GUCY1B1: variants seen among roughly 807,000 people sequenced by gnomAD.
GUCY1B1 encodes guanylate cyclase soluble subunit beta-1.
GUCY1B1 carries 43 observed loss-of-function variants against 71.0 expected under a neutral mutation model. The ratio of observed to expected loss-of-function variants is 0.61; its 90% CI spans 0.47 to 0.78. The LOEUF is 0.78. GUCY1B1 is among the 30% of genes least tolerant of loss of function. The pLI is 0.00. For missense variants in GUCY1B1, 535 were observed against 754.1 expected (o/e 0.71, Z 3.40); for synonymous variants, 266 against 259.7 (o/e 1.02, Z -0.23).
chr4:155,796,311 C>T, intron 7 of GUCY1B1, 66 bp from the exon 8 acceptor site: 1 of 1,431,358 alleles, frequency 7.0e-7, no homozygotes, highest in Non-Finnish European at 9.7e-7. Context: ...ATATGCGTGT[C>T]CTTGTTGCTG....
At chr4:155,803,108 G>A (rs1740074467) in intron 10 of GUCY1B1, among the ~76,000 whole-genome samples, 1 of 152,106 alleles carries the variant, frequency 6.6e-6, no homozygotes, top group Non-Finnish European at 1.5e-5. Context: ...GCTACATAAA[G>A]GCAAGAATGT....
rs1264977259 is a variant in GUCY1B1 at position 155,772,726 on chromosome 4, G to C, written c.78-2242G>C. On this transcript the variant is annotated intron_variant, in intron 2 of 13. Coordinates refer to ENST00000264424, the MANE Select transcript of GUCY1B1 (RefSeq NM_000857.5). ...TGAGCCAACCTGCCCAGCCAGAAAA[G>C]AGAGATTTTAATGCTTATGTGCTTT... is the stretch of plus-strand genomic sequence containing the variant. The C allele has an allele frequency of 1.5e-4, 106 of 702,472 alleles. No individual in the cohort carries two copies. In the East Asian group the frequency reaches 2.8e-3, roughly 19 times the overall value. 43.5% of individuals were successfully genotyped at this position (702,472 alleles called of 1,614,324 possible). A position where few individuals can be genotyped will look rare whatever the true frequency, so the allele number is the denominator to read the frequency against.
chr4:155,797,908 A>C (rs1011730664), intron 8 of GUCY1B1, among the ~76,000 whole-genome samples: 18 of 151,986 alleles, frequency 1.2e-4, no homozygotes, highest in African/African-American at 4.1e-4. Context: ...CAAAACTAAG[A>C]AACATAAACG....
rs1027506537 is a variant in GUCY1B1, at chr4:155,806,823, A to C, written c.*414A>C. 2 of 161,348 alleles carry C rather than the reference A, an allele frequency of 1.2e-5. No individual in the cohort carries two copies. The highest frequency in any genetic ancestry group is 4.8e-5 in the African/African-American group (2 of 41,776). 10.0% of individuals were successfully genotyped at this position (161,348 alleles called of 1,614,324 possible). On this transcript the variant is annotated 3_prime_UTR_variant, in exon 14 of 14. Transcript: ENST00000264424. The stretch of plus-strand genomic sequence containing the variant: ...TGTTTAGTGTTCCACATATATGTAT[A>C]TGTATATTTTAATGACTATAATGTA...
chr4:155,777,448 A>G (rs1738132348), intron 3 of GUCY1B1, 76 bp from the exon 4 acceptor site: 9 of 815,676 alleles, frequency 1.1e-5, no homozygotes, highest in Non-Finnish European at 1.9e-5. Flanking sequence ...CTTAATAAAC[A>G]CTTATCTTCA....
intron 2 of GUCY1B1, among the ~76,000 whole-genome samples, chr4:155,760,256 A>G (rs1736901046): frequency 6.6e-6 from 1 of 152,172 alleles, no homozygotes; most frequent in South Asian, 2.1e-4. Context: ...AACAAACGGA[A>G]GACTTTGGCT....
chr4:155,798,348 G>A (rs1739708138), intron 8 of GUCY1B1, among the ~76,000 whole-genome samples: 1 of 152,122 alleles, frequency 6.6e-6, no homozygotes, highest in Admixed American at 6.5e-5. Flanking sequence ...TTTAAGTTTT[G>A]TAACTCAGTA....
chr4:155,772,674 C>T, intron 2 of GUCY1B1: 1 of 702,102 alleles, frequency 1.4e-6, no homozygotes. Flanking sequence ...CCCACCTGGG[C>T]TTCCCAAAGT....
At chr4:155,804,851 T>G (rs1337577302) in intron 12 of GUCY1B1, 104 bp downstream of exon 12, 11 of 990,086 alleles carry the variant, frequency 1.1e-5, no homozygotes, top group Non-Finnish European at 1.5e-5. Flanking sequence ...AGTTATCACC[T>G]TCACTCTTCC....
intron 9 of GUCY1B1, among the ~76,000 whole-genome samples, chr4:155,800,883 A>G (rs998743826): frequency 6.6e-6 from 1 of 152,148 alleles, no homozygotes; most frequent in Non-Finnish European, 1.5e-5. Context: ...TCAAAGTCAC[A>G]TGGGTTTGTA....
chr4:155,794,054 T>C lies in GUCY1B1; in HGVS notation c.694T>C (p.Cys232Arg). The C allele has an allele frequency of 6.2e-7, 1 of 1,610,668 alleles. No homozygotes were observed. The highest frequency in any genetic ancestry group is 1.1e-5 in the South Asian group (1 of 91,002). The change falls in exon 6 of 14, where the codon TGT becomes CGT. Residue 232 changes from cysteine to arginine, a missense_variant. Coordinates refer to ENST00000264424, the MANE Select transcript of GUCY1B1 (RefSeq NM_000857.5). ...TGACCGGGACCTAGTGGTCACTCAG[T>C]GTGGCAATGCTATATACAGAGTTCT... ...IFDRDLVVTQCGNAIYRVLPQ... is the reference protein window; with the variant it reads ...IFDRDLVVTQRGNAIYRVLPQ...
chr4:155,789,682 G>A, intron 4 of GUCY1B1, 32 bp from the exon 5 acceptor site: 1 of 1,328,780 alleles, frequency 7.5e-7, no homozygotes, highest in African/African-American at 1.5e-5. Flanking sequence ...CGAAAGCATT[G>A]TTTATTGGTC....
intron 2 of GUCY1B1, among the ~76,000 whole-genome samples, chr4:155,769,990 G>A (rs776727618): frequency 2.0e-5 from 3 of 152,090 alleles, no homozygotes; most frequent in Non-Finnish European, 4.4e-5. Context: ...GTACTTGGCT[G>A]AATTTGGATA....
In GUCY1B1 at chr4:155,775,043, G is replaced by A. The variant is rs775542669; in HGVS notation, c.153G>A (p.Leu51=). The change falls in exon 3 of 14, where the codon TTG becomes TTA. Residue 51 remains leucine, a synonymous_variant. Transcript: ENST00000264424. The part of the protein sequence containing the change: ...IIYDDSKTYD[L]VAAASKVLNL... ...ATGATGACTCCAAAACTTATGATTT[G>A]GTTGCTGCTGCAAGCAAAGTCCTCA... 35 of 1,600,048 alleles carry A rather than the reference G, an allele frequency of 2.2e-5. No individual in the cohort carries two copies. Among genetic ancestry groups the A allele is most frequent in the African/African-American group, 5.4e-5 (4 of 74,632 alleles).
At chr4:155,789,992 G>C in intron 5 of GUCY1B1, 81 bp downstream of exon 5, 1 of 875,704 alleles carries the variant, frequency 1.1e-6, no homozygotes, top group Non-Finnish European at 1.8e-6. Context: ...TTTACCTGCA[G>C]TTATCACTGT....
At chr4:155,759,699 C>T (rs1736828844) in intron 1 of GUCY1B1, 88 bp from the exon 2 acceptor site, 1 of 905,030 alleles carries the variant, frequency 1.1e-6, no homozygotes, top group East Asian at 2.5e-5. Context: ...AAGCCAGCGC[C>T]ATGGGAGCAG....
At chr4:155,806,336 A>G in intron 13 of GUCY1B1, 50 bp from the exon 14 acceptor site, 1 of 1,204,396 alleles carries the variant, frequency 8.3e-7, no homozygotes, top group African/African-American at 1.5e-5. Flanking sequence ...TGATATTATA[A>G]ACCTCACTAT....
chr4:155,764,552 A>C (rs867268324), intron 2 of GUCY1B1, among the ~76,000 whole-genome samples: 2 of 152,228 alleles, frequency 1.3e-5, no homozygotes, highest in Non-Finnish European at 2.9e-5. Flanking sequence ...TATACATACA[A>C]AAATGAAACC....
chr4:155,777,527 T>G lies in GUCY1B1; in HGVS notation c.182T>G (p.Leu61Arg). The G allele has an allele frequency of 6.5e-7, 1 of 1,539,100 alleles. No individual in the cohort carries two copies. The highest frequency in any genetic ancestry group is 9.0e-7 in the Non-Finnish European group (1 of 1,111,960). ...CCCTCTTGAATTTGTAAAATAGATC[T>G]CAATGCTGGAGAAATCCTCCAAATG... is the stretch of plus-strand genomic sequence containing the variant. Reference protein sequence around the residue: ...LVAAASKVLNLNAGEILQMFG... With the variant: ...LVAAASKVLNRNAGEILQMFG... The change falls in exon 4 of 14, where the codon CTC becomes CGC. Residue 61 changes from leucine (L) to arginine (R), a missense_variant. Coordinates refer to ENST00000264424, the MANE Select transcript of GUCY1B1 (RefSeq NM_000857.5).
Sources: gnomAD v4.1 joint callset for allele counts (sites outside exome capture counted in the v4.1 genomes callset) on GRCh38, gnomAD v4.1.1 for gene constraint, MANE v1.5 for transcripts, NCBI Gene and HGNC (gene_info 2026-07-23, HGNC 2026-07-21) for gene names.